Variants in DCLK1 observed in about 807,000 individuals in gnomAD.
DCLK1 encodes the protein doublecortin like kinase 1.
A neutral mutation model predicts 86.2 loss-of-function variants in DCLK1; 16 were observed. The observed-to-expected ratio is 0.19, with a 90% CI of 0.13 to 0.28. The LOEUF (loss-of-function observed/expected upper bound fraction) is 0.28, where lower values mean the gene tolerates loss of function less well. Among genes scored for constraint, DCLK1 ranks in the 10% least tolerant of loss-of-function variants. The pLI is 1.00. For missense variants in DCLK1, 590 were observed against 940.2 expected (o/e 0.63, Z 4.87); for synonymous variants, 369 against 370.5 (o/e 1.00, Z 0.05).
intron 3 of DCLK1, among the ~76,000 whole-genome samples, chr13:35,984,205 C>T (rs1879794079): frequency 6.6e-6 from 1 of 152,228 alleles, no homozygotes; most frequent in Admixed American, 6.5e-5. Context: ...GGGTGTCTGT[C>T]TGTCAGCCGA....
chr13:35,807,259 C>A (rs1053222142), intron 14 of DCLK1, among the ~76,000 whole-genome samples: 1 of 152,102 alleles, frequency 6.6e-6, no homozygotes, highest in Non-Finnish European at 1.5e-5. Flanking sequence ...CCACTTCAAC[C>A]ATTTTCAAGT....
intron 4 of DCLK1, among the ~76,000 whole-genome samples, chr13:35,932,764 T>C (rs759020949): frequency 2.0e-5 from 3 of 152,198 alleles, no homozygotes; most frequent in Non-Finnish European, 2.9e-5. Flanking sequence ...GGGAGTACAA[T>C]TGAAGATGAG....
At chr13:36,025,498 T>C (rs1041375111) in intron 3 of DCLK1, among the ~76,000 whole-genome samples, 14 of 152,312 alleles carry the variant, frequency 9.2e-5, no homozygotes, top group South Asian at 6.2e-4. Flanking sequence ...CATTGATTAA[T>C]TGATAAACAA....
chr13:35,879,214 A>G (rs1393218538), intron 4 of DCLK1, among the ~76,000 whole-genome samples: 2 of 152,192 alleles, frequency 1.3e-5, no homozygotes, highest in African/African-American at 4.8e-5. Flanking sequence ...TTTTAAAAGT[A>G]CCTTCTAAAA....
At chr13:36,128,229 C>T (rs1033570103) in intron 1 of DCLK1, among the ~76,000 whole-genome samples, 21 of 152,284 alleles carry the variant, frequency 1.4e-4, no homozygotes, top group African/African-American at 4.8e-4. Context: ...CACTATTACT[C>T]ATCAACCAGT....
In DCLK1 at chr13:35,905,834, G is replaced by A. The variant is rs556611871; in HGVS notation, c.824-34494C>T. Among the ~76,000 whole-genome samples the A allele has an allele frequency of 1.4e-4, 20 of 147,062 alleles. No individual in the cohort carries two copies. The South Asian group carries it at 3.4e-3, about 25-fold the overall frequency. On this transcript the variant is annotated intron_variant, in intron 4 of 16. Coordinates refer to ENST00000360631, the MANE Select transcript of DCLK1 (RefSeq NM_001330071.2). ...GTGGTGGTGTGGGACTGTGGGCTCC[G>A]TCTCAAAAAAAAAAAGACTGCCAGG...
At chr13:36,106,654 G>A (rs1885408144) in intron 3 of DCLK1, among the ~76,000 whole-genome samples, 2 of 152,160 alleles carry the variant, frequency 1.3e-5, no homozygotes, top group Admixed American at 6.6e-5. Context: ...AATTAGAACT[G>A]TCACAGAAAA....
chr13:35,784,861 A>C (rs913591911), intron 16 of DCLK1, among the ~76,000 whole-genome samples: 1 of 152,048 alleles, frequency 6.6e-6, no homozygotes, highest in Admixed American at 6.6e-5. Flanking sequence ...CGGGCCCTAC[A>C]TCCCTTCTCA....
At chr13:36,026,018 G>A (rs1882020566) in intron 3 of DCLK1, among the ~76,000 whole-genome samples, 1 of 152,076 alleles carries the variant, frequency 6.6e-6, no homozygotes, top group East Asian at 1.9e-4. Flanking sequence ...CATCAATTCA[G>A]TTTGAGAGGT....
At chr13:35,910,124 A>G (rs968078206) in intron 4 of DCLK1, among the ~76,000 whole-genome samples, 12 of 152,182 alleles carry the variant, frequency 7.9e-5, no homozygotes, top group Non-Finnish European at 5.9e-5. Context: ...TGAATTTATC[A>G]AGGAGACAAA....
At chr13:35,972,598 T>C (rs1290915165) in intron 3 of DCLK1, among the ~76,000 whole-genome samples, 7 of 150,974 alleles carry the variant, frequency 4.6e-5, no homozygotes, top group African/African-American at 1.7e-4. Context: ...CAGAGAGAAG[T>C]GACAAGGAGC....
rs1244471106 is a variant in DCLK1 at position 36,112,219 on chromosome 13, A to T, written c.377-4T>A. On this transcript the variant is annotated splice_region_variant and splice_polypyrimidine_tract_variant and intron_variant, in intron 2 of 16. Transcript: ENST00000360631. ...GAGCCACATACATAACTCTCTCCTA[A>T]GGAAGAGAGAAATATATTTAAATTT... 6.5e-7 allele frequency: 1 copy of T among 1,533,082 alleles called. No individual in the cohort carries two copies. Among genetic ancestry groups the T allele is most frequent in the South Asian group, 1.2e-5 (1 of 83,440 alleles). The allele number at this position is 1,533,082 out of a possible 1,614,324, so 95.0% of individuals were successfully genotyped here.
intron 2 of DCLK1, among the ~76,000 whole-genome samples, chr13:36,120,310 A>G (rs1885940475): frequency 6.6e-6 from 1 of 152,188 alleles, no homozygotes; most frequent in Admixed American, 6.5e-5. Context: ...AAATAGAGTC[A>G]TGTGCCACAA....
intron 4 of DCLK1, among the ~76,000 whole-genome samples, chr13:35,879,006 G>A (rs904185737): frequency 2.6e-5 from 4 of 152,038 alleles, no homozygotes; most frequent in Non-Finnish European, 4.4e-5. Flanking sequence ...GGCTGGGCTC[G>A]AACTCCTGAC....
chr13:35,926,000 G>C (rs1187084037), intron 4 of DCLK1, among the ~76,000 whole-genome samples: 2 of 151,938 alleles, frequency 1.3e-5, no homozygotes, highest in South Asian at 2.1e-4. Flanking sequence ...CTAGGGGTGA[G>C]AGTTACACAT....
At chr13:35,821,295 T>C (rs1464623221) in intron 11 of DCLK1, among the ~76,000 whole-genome samples, 2 of 152,206 alleles carry the variant, frequency 1.3e-5, no homozygotes, top group Admixed American at 1.3e-4. Context: ...ATGGCGGATC[T>C]TACTAGCTTT....
At chr13:36,006,401 C>T (rs903900779) in intron 3 of DCLK1, among the ~76,000 whole-genome samples, 1 of 152,236 alleles carries the variant, frequency 6.6e-6, no homozygotes, top group Non-Finnish European at 1.5e-5. Flanking sequence ...AGAGCCACAT[C>T]TACGTGTGAA....
At chr13:35,816,051 A>T (rs768925823) in intron 11 of DCLK1, among the ~76,000 whole-genome samples, 1 of 152,162 alleles carries the variant, frequency 6.6e-6, no homozygotes, top group Non-Finnish European at 1.5e-5. Context: ...TCATGAAACT[A>T]TCTTAAAAGG....
chr13:36,073,398 G>C, intron 3 of DCLK1, among the ~76,000 whole-genome samples: 1 of 152,076 alleles, frequency 6.6e-6, no homozygotes. Flanking sequence ...ACAACCATAA[G>C]GTATCATTAT....
Sources: allele counts gnomAD v4.1 joint callset (sites outside exome capture counted in the v4.1 genomes callset), GRCh38; gene constraint gnomAD v4.1.1; transcripts MANE v1.5; gene names NCBI Gene and HGNC (gene_info 2026-07-23, HGNC 2026-07-21).